The following SHANK2 variants were observed in gnomAD, a reference collection of about 807,000 sequenced individuals.
SHANK2 encodes the protein SH3 and multiple ankyrin repeat domains 2, also known as SH3 and multiple ankyrin repeat domains protein 2.
In SHANK2, 43 loss-of-function variants were observed where a neutral mutation model predicts 133.7. That is an observed-to-expected ratio of 0.32 (90% CI 0.25 to 0.41). The LOEUF (loss-of-function observed/expected upper bound fraction) is 0.41. SHANK2 is among the 10% of genes least tolerant of loss of function. SHANK2 has a pLI of 1.00. For missense variants in SHANK2, 1,994 were observed against 2,235.8 expected (o/e 0.89, Z 2.18); for synonymous variants, 1,017 against 952.8 (o/e 1.07, Z -1.24).
At chr11:71,159,695 C>T (rs1356950828) in intron 2 of SHANK2, among the ~76,000 whole-genome samples, 1 of 152,134 alleles carries the variant, frequency 6.6e-6, no homozygotes, top group Non-Finnish European at 1.5e-5. Context: ...AGCAAGAAGA[C>T]ACCTCAGGCC....
chr11:70,489,484 C>G (rs1591493109), intron 23 of SHANK2, 136 bp from the exon 24 acceptor site: 2 of 833,684 alleles, frequency 2.4e-6, no homozygotes, highest in East Asian at 4.9e-5. Context: ...CTAGTGACTG[C>G]CTACAGTTAT....
intron 11 of SHANK2, among the ~76,000 whole-genome samples, chr11:70,887,948 C>G (rs1156589327): frequency 6.6e-6 from 1 of 152,162 alleles, no homozygotes; most frequent in Non-Finnish European, 1.5e-5. Flanking sequence ...CATGAGCCAA[C>G]AGCCTCAGGC....
chr11:71,180,183 G>T (rs1292468808), intron 2 of SHANK2, among the ~76,000 whole-genome samples: 2 of 152,136 alleles, frequency 1.3e-5, no homozygotes, highest in Non-Finnish European at 2.9e-5. Context: ...AATAGCTCTG[G>T]GCATCCTTAT....
At chr11:70,883,712 G>A (rs868919844) in intron 11 of SHANK2, among the ~76,000 whole-genome samples, 4 of 152,210 alleles carry the variant, frequency 2.6e-5, no homozygotes, top group African/African-American at 7.2e-5. Flanking sequence ...GACCCACGCC[G>A]GAGGCACAGA....
At chr11:70,864,171 C>G (rs938782751) in intron 11 of SHANK2, 66 of 206,302 alleles carry the variant, frequency 3.2e-4, no homozygotes, top group African/African-American at 9.4e-4. Context: ...AGGGGCCCAT[C>G]ATTTGGAAAG....
At chr11:70,706,199 C>G (rs528738235) in intron 14 of SHANK2, 1 of 152,510 alleles carries the variant, frequency 6.6e-6, no homozygotes, top group Non-Finnish European at 1.5e-5. Context: ...CACCTCAGGG[C>G]CTTTGTGTGT....
chr11:70,698,822 C>T (rs1945456603), intron 14 of SHANK2, 59 bp from the exon 15 acceptor site: 4 of 717,828 alleles, frequency 5.6e-6, no homozygotes, highest in South Asian at 4.4e-5. Flanking sequence ...GAACGCGGAA[C>T]CCACAGCACA....
chr11:70,849,012 A>G (rs1949042960), intron 11 of SHANK2, among the ~76,000 whole-genome samples: 1 of 152,140 alleles, frequency 6.6e-6, no homozygotes. Context: ...GAAGGATGTG[A>G]GTGGTGCCCA....
rs2059224480 is a variant in SHANK2, at chr11:70,513,175, T to TG, written c.2062-10245_2062-10244insC. Among the ~76,000 whole-genome samples, 4 of 151,940 alleles carry TG rather than the reference T, an allele frequency of 2.6e-5. No homozygotes were observed. The South Asian group carries it at 8.3e-4, about 32-fold the overall frequency. ...CCTGCAGTTTTTTGTTTTTTTTTTT[T>TG]AAATCCAGATCCTGCACAAACCTGC... On this transcript the variant is annotated intron_variant, in intron 17 of 25. Coordinates refer to ENST00000601538, the MANE Select transcript of SHANK2 (RefSeq NM_012309.5).
chr11:71,103,328 T>A (rs1951748830), intron 6 of SHANK2, among the ~76,000 whole-genome samples: 1 of 152,156 alleles, frequency 6.6e-6, no homozygotes, highest in East Asian at 1.9e-4. Flanking sequence ...TATCACTCTT[T>A]AAGTGCCCTT....
At chr11:70,530,502 C>T (rs1283415856) in intron 17 of SHANK2, among the ~76,000 whole-genome samples, 1 of 152,170 alleles carries the variant, frequency 6.6e-6, no homozygotes, top group Non-Finnish European at 1.5e-5. Flanking sequence ...TACCACTGCA[C>T]TCCTGCCTGG....
intron 10 of SHANK2, among the ~76,000 whole-genome samples, chr11:70,934,280 T>C (rs929074934): frequency 6.8e-6 from 1 of 147,908 alleles, no homozygotes; most frequent in Non-Finnish European, 1.5e-5. Flanking sequence ...GCAACAACAG[T>C]GCCCACTGCA....
At chr11:70,636,793 C>A (rs553668198) in intron 17 of SHANK2, among the ~76,000 whole-genome samples, 1 of 151,592 alleles carries the variant, frequency 6.6e-6, no homozygotes, top group Non-Finnish European at 1.5e-5. Context: ...CATGTGTGAG[C>A]GTGTGTGTGA....
At chr11:70,488,865 GC>G (rs2058848256) in intron 24 of SHANK2, 1 of 184,440 alleles carries the variant, frequency 5.4e-6, no homozygotes, top group African/African-American at 2.4e-5. Context: ...CAGCAGGGTG[GC>G]CTGAGGGTTC....
intron 14 of SHANK2, among the ~76,000 whole-genome samples, chr11:70,745,948 T>C (rs1946628446): frequency 6.6e-6 from 1 of 152,208 alleles, no homozygotes; most frequent in Admixed American, 6.5e-5. Flanking sequence ...TGAAACCATT[T>C]GGGCGCATTT....
chr11:70,775,823 C>A (rs1591833902), intron 14 of SHANK2, among the ~76,000 whole-genome samples: 1 of 152,246 alleles, frequency 6.6e-6, no homozygotes, highest in African/African-American at 2.4e-5. Flanking sequence ...TTCATCGTTA[C>A]CAGCACGCGG....
chr11:70,860,753 G>A (rs1395338918), intron 11 of SHANK2, among the ~76,000 whole-genome samples: 2 of 152,212 alleles, frequency 1.3e-5, no homozygotes, highest in East Asian at 3.9e-4. Flanking sequence ...GATGGCTCAT[G>A]CCTGTAGTCC....
chr11:70,930,141 G>C (rs973563784), intron 10 of SHANK2, among the ~76,000 whole-genome samples: 4 of 152,210 alleles, frequency 2.6e-5, no homozygotes, highest in Non-Finnish European at 5.9e-5. Context: ...AGGACCTACT[G>C]TGTAAACCTC....
At chr11:71,086,211 T>G (rs1951410189) in intron 8 of SHANK2, among the ~76,000 whole-genome samples, 1 of 85,962 alleles carries the variant, frequency 1.2e-5, no homozygotes, top group Non-Finnish European at 1.9e-5. Flanking sequence ...TATAATATAT[T>G]ATGTTATATA....
Sources: gnomAD v4.1 joint callset for allele counts (sites outside exome capture counted in the v4.1 genomes callset) on GRCh38, gnomAD v4.1.1 for gene constraint, MANE v1.5 for transcripts, NCBI Gene and HGNC (gene_info 2026-07-23, HGNC 2026-07-21) for gene names.